MYO7B: variants seen among roughly 807,000 people sequenced by gnomAD.
MYO7B encodes the protein unconventional myosin-VIIb.
A neutral mutation model predicts 259.7 loss-of-function variants in MYO7B; 212 were observed. The observed-to-expected ratio is 0.82, with a 90% CI of 0.73 to 0.91. MYO7B has a LOEUF of 0.91. MYO7B is among the 40% of genes least tolerant of loss of function. The pLI, the probability that MYO7B is intolerant of heterozygous loss-of-function variation, is 0.00. For missense variants in MYO7B, 2,732 were observed against 2,813.5 expected (o/e 0.97, Z 0.66); for synonymous variants, 1,197 against 1,166.4 (o/e 1.03, Z -0.54).
Position 127,584,071 on chromosome 2 carries a change from G to T in MYO7B, c.1344-51G>T. On this transcript the variant is annotated intron_variant, in intron 12 of 47. Transcript: ENST00000409816. The surrounding 1 kb of genome is among the most constrained non-coding windows in gnomAD (Gnocchi z 5.8). ...CCTATGGCTCCAGCCTGCTGCAGCG[G>T]GGACTCAGCTGGCCCCACTCCACCC... The T allele has an allele frequency of 6.5e-7, 1 of 1,534,858 alleles. No individual in the cohort carries two copies. Among genetic ancestry groups the T allele is most frequent in the Non-Finnish European group, 8.9e-7 (1 of 1,123,824 alleles).
In MYO7B at chr2:127,631,329, C is replaced by T. The variant is rs373600871; in HGVS notation, c.5061C>T (p.Val1687=). 1.3e-4 allele frequency: 207 copies of T among 1,611,510 alleles called. No individual in the cohort carries two copies. The highest frequency in any genetic ancestry group is 1.6e-4 in the Non-Finnish European group (184 of 1,178,776). Residue 1687 remains valine (V), a synonymous_variant, in exon 37 of 48, where the codon GTC becomes GTT. Transcript: ENST00000409816. ...QPLLKRVHAN[V]DLWDIACQIF... The stretch of plus-strand genomic sequence containing the variant: ...TGCTCAAGCGAGTCCACGCCAACGT[C>T]GACCTCTGGGACATCGCCTGCCAGA...
rs1678290868 is a variant in MYO7B, at chr2:127,565,400, C to G, written c.285+15C>G. ...ACAAGATCTATGTGAGTCTCCCCAG[C>G]CCTGTGTCCACAGGGGAGCCCCTCA... On this transcript the variant is annotated intron_variant, in intron 4 of 47. Transcript: ENST00000409816. 1 of 1,613,498 alleles carries G rather than the reference C, an allele frequency of 6.2e-7. No homozygotes were observed.
In MYO7B at chr2:127,539,519, G is replaced by A. The variant is rs1007679206; in HGVS notation, c.-24+3688G>A. ...GACATTGGCTATAACAGGAAATTCAGGAGAGTTTTTAAAGAGCTATTTGTA... is the reference window on the plus strand; with the variant it reads ...GACATTGGCTATAACAGGAAATTCAAGAGAGTTTTTAAAGAGCTATTTGTA... On this transcript the variant is annotated intron_variant, in intron 1 of 47. Coordinates refer to ENST00000409816, the MANE Select transcript of MYO7B (RefSeq NM_001393586.1). This position sits in a 1 kb window ranked among gnomAD's most constrained non-coding sequence, Gnocchi z 4.0. Among the ~76,000 whole-genome samples the A allele has an allele frequency of 6.6e-6, 1 of 152,184 alleles. No homozygotes were observed. The highest frequency in any genetic ancestry group is 1.5e-5 in the Non-Finnish European group (1 of 68,026).
Position 127,628,302 on chromosome 2 carries a change from C to T in MYO7B, c.4461-70C>T, listed in dbSNP as rs542767060. The T allele has an allele frequency of 1.4e-5, 21 of 1,536,652 alleles. No individual in the cohort carries two copies. Among genetic ancestry groups the T allele is most frequent in the African/African-American group, 6.8e-5 (5 of 73,382 alleles). On this transcript the variant is annotated intron_variant, in intron 33 of 47. Transcript: ENST00000409816. The surrounding 1 kb of genome is among the most constrained non-coding windows in gnomAD (Gnocchi z 4.8). ...ACTCAGGACCCCCAACCCCACCTCC[C>T]GAGGCTGTTTAGGGGCTGGATCAGG...
chr2:127,578,665 G>A (rs983726759), intron 9 of MYO7B, among the ~76,000 whole-genome samples: 2 of 152,142 alleles, frequency 1.3e-5, no homozygotes, highest in African/African-American at 2.4e-5. Context: ...AGCACCTAAC[G>A]GCAGTTATTG....
intron 2 of MYO7B, among the ~76,000 whole-genome samples, chr2:127,561,509 C>A (rs963725207): frequency 4.6e-5 from 7 of 151,914 alleles, no homozygotes; most frequent in African/African-American, 1.7e-4. Context: ...TCTGCCCACC[C>A]GCCTCGGCCT....
intron 1 of MYO7B, among the ~76,000 whole-genome samples, chr2:127,557,375 T>C (rs1677873525): frequency 6.6e-6 from 1 of 152,200 alleles, no homozygotes; most frequent in Non-Finnish European, 1.5e-5. Context: ...AGCTTAATAA[T>C]TGACCTTCTG....
At chr2:127,593,508 C>G in intron 17 of MYO7B, 38 bp from the exon 18 acceptor site, 1 of 1,591,608 alleles carries the variant, frequency 6.3e-7, no homozygotes, top group South Asian at 1.1e-5. Flanking sequence ...GGGGTCTCTG[C>G]CCCACCTCCC....
In MYO7B at chr2:127,574,061, A is replaced by T. The variant is rs751351469; in HGVS notation, c.734A>T (p.Gln245Leu). The T allele has an allele frequency of 6.2e-7, 1 of 1,613,950 alleles. No homozygotes were observed. Among genetic ancestry groups the T allele is most frequent in the Non-Finnish European group, 8.5e-7 (1 of 1,179,880 alleles). Residue 245 changes from glutamine (Q) to leucine (L), a missense_variant and splice_region_variant, in exon 7 of 48, where the codon CAG (glutamine) becomes CTG (leucine). Coordinates refer to ENST00000409816, the MANE Select transcript of MYO7B (RefSeq NM_001393586.1). The part of the protein sequence containing the change: ...FLLEKSRVCR[Q>L]APEERNYHIF... ...CTGGAGAAGTCCCGGGTCTGCCGGC[A>T]GGTGAGGCCTCCCCCTTCCCAGGTC... is the stretch of plus-strand genomic sequence containing the variant.
chr2:127,564,413 T>G, intron 3 of MYO7B, 147 bp downstream of exon 3: 2 of 563,672 alleles, frequency 3.5e-6, no homozygotes, highest in Non-Finnish European at 6.3e-6. Flanking sequence ...CACGGTGGAG[T>G]CCTGCCATGG....
intron 6 of MYO7B, 32 bp downstream of exon 6, chr2:127,569,942 C>T (rs374674171): frequency 1.9e-6 from 3 of 1,594,734 alleles, no homozygotes; most frequent in Non-Finnish European, 1.7e-6. Context: ...GCCCTTCTCC[C>T]CCAGCCCCCC....
chr2:127,574,568 T>A (rs1678787242), intron 7 of MYO7B, among the ~76,000 whole-genome samples: 1 of 152,224 alleles, frequency 6.6e-6, no homozygotes, highest in Non-Finnish European at 1.5e-5. Context: ...TTTTGAATTT[T>A]CCATTCACAT....
chr2:127,548,476 G>A (rs899633044), intron 1 of MYO7B, among the ~76,000 whole-genome samples: 5 of 150,506 alleles, frequency 3.3e-5, no homozygotes, highest in Admixed American at 1.3e-4. Context: ...GAGTGCAGTG[G>A]CGGATCTCAA....
Position 127,605,833 on chromosome 2 carries a change from T to A in MYO7B, c.2340-11T>A. 2 of 1,612,882 alleles carry A rather than the reference T, an allele frequency of 1.2e-6. No individual in the cohort carries two copies. Among genetic ancestry groups the A allele is most frequent in the Non-Finnish European group, 1.7e-6 (2 of 1,179,440 alleles). ...ATTGTTACATGTGTGTGGCTTGCATTGCCCTTCTAGGAAGGAGTTCCTGAG... is the reference window on the plus strand; with the variant it reads ...ATTGTTACATGTGTGTGGCTTGCATAGCCCTTCTAGGAAGGAGTTCCTGAG... On this transcript the variant is annotated splice_polypyrimidine_tract_variant and intron_variant, in intron 19 of 47. Transcript: ENST00000409816.
chr2:127,582,094 G>A, intron 11 of MYO7B, 84 bp downstream of exon 11: 1 of 1,591,600 alleles, frequency 6.3e-7, no homozygotes, highest in Non-Finnish European at 8.5e-7. Flanking sequence ...GGGCAGGATG[G>A]AGCAGAGGGC....
chr2:127,582,540 C>G, intron 12 of MYO7B, 94 bp downstream of exon 12: 1 of 1,453,704 alleles, frequency 6.9e-7, no homozygotes, highest in Non-Finnish European at 9.3e-7. Context: ...GAGCCGTCAC[C>G]CTGCACCCAG....
rs921599428 is a variant in MYO7B at position 127,538,710 on chromosome 2, C to T, written c.-24+2879C>T. Among the ~76,000 whole-genome samples, 30 of 152,062 alleles carry T rather than the reference C, an allele frequency of 2.0e-4. 1 individual carries two copies. Among genetic ancestry groups the T allele is most frequent in the Admixed American group, 1.3e-3 (20 of 15,266 alleles). On this transcript the variant is annotated intron_variant, in intron 1 of 47. Coordinates refer to ENST00000409816, the MANE Select transcript of MYO7B (RefSeq NM_001393586.1). ...CCTCCCGAGTAGCTGGGATTACAGG[C>T]GCACACCACCACGCCCGGCTAATTT...
intron 35 of MYO7B, 52 bp from the exon 36 acceptor site, chr2:127,630,726 G>A: frequency 1.9e-6 from 3 of 1,602,168 alleles, no homozygotes; most frequent in Non-Finnish European, 1.7e-6. Context: ...CCTGCAGGAA[G>A]GGCCTCATGG....
rs373040774 is a variant in MYO7B at position 127,610,930 on chromosome 2, A to AC, written c.3192+922dup. ...GATATCTGTAGCTGTGTAACAAATT[A>AC]CCCCCCCCAAACCTAACTGCTTCAA... On this transcript the variant is annotated intron_variant, in intron 24 of 47. Coordinates refer to ENST00000409816, the MANE Select transcript of MYO7B (RefSeq NM_001393586.1). 4.0e-3 allele frequency among the ~76,000 whole-genome samples: 600 copies of AC among 151,396 alleles called. 2 individuals are homozygous for AC. Among genetic ancestry groups the AC allele is most frequent in the Middle Eastern group, 0.017 (5 of 294 alleles).
Sources: gnomAD v4.1 joint callset for allele counts (sites outside exome capture counted in the v4.1 genomes callset) on GRCh38, gnomAD v4.1.1 for gene constraint, Gnocchi (gnomAD v3.1) non-coding constraint, MANE v1.5 for transcripts, NCBI Gene and HGNC (gene_info 2026-07-23, HGNC 2026-07-21) for gene names.